Variants in KDM4B observed in about 807,000 individuals in gnomAD.
The protein encoded by KDM4B is lysine-specific demethylase 4B.
A neutral mutation model predicts 125.2 loss-of-function variants in KDM4B; 32 were observed. That is an observed-to-expected ratio of 0.26 (90% CI 0.19 to 0.34). The LOEUF is 0.34. Ranked by LOEUF, KDM4B falls within the 10% of genes least tolerant of loss-of-function variation. KDM4B has a pLI of 1.00. For missense variants in KDM4B, 1,190 were observed against 1,577.7 expected (o/e 0.75, Z 4.16); for synonymous variants, 721 against 677.9 (o/e 1.06, Z -0.99).
intron 3 of KDM4B, among the ~76,000 whole-genome samples, chr19:5,037,122 G>A (rs1379091028): frequency 1.3e-5 from 2 of 152,238 alleles, no homozygotes; most frequent in Non-Finnish European, 2.9e-5. Flanking sequence ...AGCAGACTAG[G>A]ATCATGGGCG....
chr19:4,993,104 T>C (rs933139410), intron 1 of KDM4B, among the ~76,000 whole-genome samples: 4 of 152,176 alleles, frequency 2.6e-5, no homozygotes, highest in African/African-American at 9.7e-5. Context: ...AGTTGTGTTA[T>C]CTTTTATTGA....
At position 5,152,115 on chromosome 19, in the gene KDM4B, G is replaced by GGA. The variant is rs111970702; in HGVS notation, c.*605_*606insAG. On this transcript the variant is annotated 3_prime_UTR_variant, in exon 23 of 23. Coordinates refer to ENST00000159111, the MANE Select transcript of KDM4B (RefSeq NM_015015.3). ...GTAATTGGAGGGTGAGCCTCGGGGG[G>GGA]GGGGCAGGACGCCCCGGTTTCGGCA... The GGA allele has an allele frequency of 0.36, 54,550 of 149,474 alleles. 9,951 individuals carry two copies. Among genetic ancestry groups the GGA allele is most frequent in the African/African-American group, 0.44 (17,279 of 39,208 alleles). 9.3% of individuals were successfully genotyped at this position (149,474 alleles called of 1,614,324 possible).
At chr19:5,130,464 TC>T (rs1223864628) in intron 11 of KDM4B, among the ~76,000 whole-genome samples, 1 of 152,214 alleles carries the variant, frequency 6.6e-6, no homozygotes, top group African/African-American at 2.4e-5. Flanking sequence ...CCCGGGGAGT[TC>T]CACGCGGAAG....
At chr19:5,100,121 G>T (rs2038902365) in intron 9 of KDM4B, among the ~76,000 whole-genome samples, 1 of 152,152 alleles carries the variant, frequency 6.6e-6, no homozygotes. Flanking sequence ...CTCCCTTCTG[G>T]AGGCTTATTG....
At chr19:5,079,592 C>G (rs912670994) in intron 8 of KDM4B, among the ~76,000 whole-genome samples, 2 of 152,206 alleles carry the variant, frequency 1.3e-5, no homozygotes, top group African/African-American at 4.8e-5. Flanking sequence ...GTCTGCCTGA[C>G]GCATGCCTGC....
chr19:5,051,989 C>T (rs559654002), intron 6 of KDM4B, among the ~76,000 whole-genome samples: 29 of 152,204 alleles, frequency 1.9e-4, no homozygotes, highest in Non-Finnish European at 2.6e-4. Flanking sequence ...GTGAAGGGCA[C>T]GGAGCCCCCA....
chr19:5,077,490 G>T lies in KDM4B; in HGVS notation c.780+20G>T. The T allele has an allele frequency of 6.2e-7, 1 of 1,603,146 alleles. No homozygotes were observed. Among genetic ancestry groups the T allele is most frequent in the Middle Eastern group, 1.7e-4 (1 of 6,030 alleles). ...AGCCGGGTGCGTACGGGTGGGGCCT[G>T]CACGCCTGTGGGTGAAGTGGGTACC... On this transcript the variant is annotated intron_variant, in intron 8 of 22. Transcript: ENST00000159111.
chr19:5,060,460 AAAAG>A (rs147393441), intron 6 of KDM4B, among the ~76,000 whole-genome samples: 15,974 of 101,030 alleles, frequency 0.16, 3,574 homozygotes, highest in African/African-American at 0.22. Flanking sequence ...AAAAAAAAAA[AAAAG>A]GGAGCCATGA....
chr19:5,022,311 C>T (rs868108139), intron 2 of KDM4B, among the ~76,000 whole-genome samples: 1 of 152,168 alleles, frequency 6.6e-6, no homozygotes, highest in Non-Finnish European at 1.5e-5. Flanking sequence ...GGGTCTTGTG[C>T]CTGTCCTTCC....
At chr19:5,005,209 C>T (rs1004646442) in intron 1 of KDM4B, among the ~76,000 whole-genome samples, 1 of 152,150 alleles carries the variant, frequency 6.6e-6, no homozygotes, top group African/African-American at 2.4e-5. Context: ...ACAGGAGTGG[C>T]CTGTGGAGAT....
rs1220107412 is a variant in KDM4B at position 5,133,937 on chromosome 19, C to T, written c.1961C>T (p.Pro654Leu). 7 of 1,613,102 alleles carry T rather than the reference C, an allele frequency of 4.3e-6. No individual in the cohort carries two copies. The highest frequency in any genetic ancestry group is 2.2e-5 in the East Asian group (1 of 44,880). The change falls in exon 14 of 23, where the codon CCG becomes CTG. Residue 654 changes from proline (P) to leucine (L), a missense_variant. Pro to Leu is a moderately conservative substitution (Grantham distance 98). Around this residue, in one of 7 missense-constraint regions of KDM4B, gnomAD observed 128 missense variants for 137.8 expected, o/e 0.93. Coordinates refer to ENST00000159111, the MANE Select transcript of KDM4B (RefSeq NM_015015.3). ...GTGAGTGACCCGGACGCCTTGAGGC[C>T]GCTGCTGTCTCTGCAGTGGAAGAAC... is the stretch of plus-strand genomic sequence containing the variant. ...EDVSDPDALR[P>L]LLSLQWKNRA...
intron 2 of KDM4B, among the ~76,000 whole-genome samples, chr19:5,031,894 C>G (rs978784991): frequency 6.6e-6 from 1 of 152,208 alleles, no homozygotes; most frequent in African/African-American, 2.4e-5. Context: ...CCTTCACACT[C>G]TAGATCACTT....
chr19:5,040,693 C>T (rs1470960666), intron 4 of KDM4B, among the ~76,000 whole-genome samples: 1 of 152,020 alleles, frequency 6.6e-6, no homozygotes, highest in Non-Finnish European at 1.5e-5. Context: ...GGCCTCCACC[C>T]TGTCTGTGGC....
At chr19:5,011,994 G>A (rs1599409690) in intron 1 of KDM4B, among the ~76,000 whole-genome samples, 1 of 152,200 alleles carries the variant, frequency 6.6e-6, no homozygotes, top group African/African-American at 2.4e-5. Flanking sequence ...CAGCACGTGC[G>A]GGGCAGTGGC....
At chr19:5,045,878 G>T (rs1459943910) in intron 5 of KDM4B, among the ~76,000 whole-genome samples, 1 of 152,212 alleles carries the variant, frequency 6.6e-6, no homozygotes, top group Non-Finnish European at 1.5e-5. Flanking sequence ...CCAAAGTGCT[G>T]GGATTACAGG....
Position 4,997,824 on chromosome 19 carries a change from C to T in KDM4B, c.-108-18433C>T, listed in dbSNP as rs2035251342. ...CAGGCCCCAGAAAGACGGTGACACT[C>T]CAGGAGGTTGCTAGACCTGGCGGGC... On this transcript the variant is annotated intron_variant, in intron 1 of 22. Transcript: ENST00000159111. The surrounding 1 kb of genome is among the most constrained non-coding windows in gnomAD (Gnocchi z 4.2). 1.3e-5 allele frequency among the ~76,000 whole-genome samples: 2 copies of T among 152,252 alleles called. No homozygotes were observed. The highest frequency in any genetic ancestry group is 4.1e-4 in the South Asian group (2 of 4,838).
chr19:5,041,959 G>A (rs2036833509), intron 5 of KDM4B, among the ~76,000 whole-genome samples: 1 of 152,218 alleles, frequency 6.6e-6, no homozygotes, highest in South Asian at 2.1e-4. Context: ...CTGAGCCGAG[G>A]GCGCCGGTTT....
chr19:5,006,807 GTAACCAGCCC>G, intron 1 of KDM4B, among the ~76,000 whole-genome samples: 1 of 152,172 alleles, frequency 6.6e-6, no homozygotes, highest in Non-Finnish European at 1.5e-5. Flanking sequence ...AGTTAAGAGG[GTAACCAGCCC>G]TGGAGCTGAC....
chr19:5,094,449 A>T (rs1255850694), intron 9 of KDM4B, among the ~76,000 whole-genome samples: 1 of 152,168 alleles, frequency 6.6e-6, no homozygotes, highest in East Asian at 1.9e-4. Flanking sequence ...GGCACTGGGC[A>T]TTTCAGCAAG....
Sources: gnomAD v4.1 joint callset for allele counts (sites outside exome capture counted in the v4.1 genomes callset) on GRCh38, gnomAD v4.1.1 for gene constraint, gnomAD v4.1.1 regional missense constraint, Gnocchi (gnomAD v3.1) non-coding constraint, MANE v1.5 for transcripts, NCBI Gene and HGNC (gene_info 2026-07-23, HGNC 2026-07-21) for gene names.